RASA3: variants seen among roughly 807,000 people sequenced by gnomAD.
RASA3 encodes ras GTPase-activating protein 3.
In RASA3, 73 loss-of-function variants were observed where a neutral mutation model predicts 110.0. That is an observed-to-expected ratio of 0.66 (90% CI 0.55 to 0.81). RASA3 has a LOEUF of 0.81. Among genes scored for constraint, RASA3 ranks in the 30% least tolerant of loss-of-function variants. The probability of loss-of-function intolerance (pLI) is 0.00; values close to 1 mark genes in which losing one functional copy is unlikely to be tolerated. For synonymous variants in RASA3, 500 were observed against 451.4 expected (o/e 1.11, Z -1.37); for missense variants, 976 against 1,113.2 (o/e 0.88, Z 1.75).
In RASA3 at chr13:114,057,318, T is replaced by C. The variant is rs1325163723; in HGVS notation, c.174-5163A>G. 4 of 985,310 alleles carry C rather than the reference T, an allele frequency of 4.1e-6. No homozygotes were observed. Among genetic ancestry groups the C allele is most frequent in the South Asian group, 9.4e-5 (2 of 21,290 alleles). 61.0% of individuals were successfully genotyped at this position (985,310 alleles called of 1,614,324 possible). A position where few individuals can be genotyped will look rare whatever the true frequency, so the allele number is the denominator to read the frequency against. ...CCGGCCAGCCTTATCAACGGAGCTC[T>C]GAGCCACCAACCACTGTGACCAAGC... On this transcript the variant is annotated intron_variant, in intron 2 of 23. Coordinates refer to ENST00000334062, the MANE Select transcript of RASA3 (RefSeq NM_007368.4). The surrounding 1 kb of genome is among the most constrained non-coding windows in gnomAD (Gnocchi z 5.0).
intron 14 of RASA3, 123 bp from the exon 15 acceptor site, chr13:114,013,371 C>CTG: frequency 3.1e-6 from 2 of 643,668 alleles, no homozygotes; most frequent in Non-Finnish European, 5.5e-6. Flanking sequence ...CTATCTCCAC[C>CTG]TGTGTCTGTC....
At chr13:113,980,838 T>G (rs2052917305) in intron 23 of RASA3, among the ~76,000 whole-genome samples, 1 of 150,160 alleles carries the variant, frequency 6.7e-6, no homozygotes, top group Non-Finnish European at 1.5e-5. Context: ...GAAGGAGGGG[T>G]TAAGAAGGAA....
chr13:114,002,676 T>C (rs539053816), intron 18 of RASA3, among the ~76,000 whole-genome samples: 6 of 152,310 alleles, frequency 3.9e-5, no homozygotes, highest in African/African-American at 1.4e-4. Context: ...TGAGGCTGCA[T>C]GTGAATTTTA....
intron 16 of RASA3, among the ~76,000 whole-genome samples, chr13:114,010,216 C>CCAGTGGA (rs1415542331): frequency 5.3e-5 from 8 of 152,290 alleles, no homozygotes; most frequent in Non-Finnish European, 2.9e-5. Flanking sequence ...GGCTGCTCCT[C>CCAGTGGA]CAGTGGGGGC....
intron 2 of RASA3, among the ~76,000 whole-genome samples, chr13:114,070,940 G>A (rs1222283303): frequency 8.7e-6 from 1 of 115,606 alleles, no homozygotes; most frequent in Non-Finnish European, 1.7e-5. Flanking sequence ...CGGCGTCCAC[G>A]CTAAACGGCG....
At chr13:114,042,599 T>C (rs9525349) in intron 3 of RASA3, among the ~76,000 whole-genome samples, 73,087 of 152,214 alleles carry the variant, frequency 0.48, 17,586 homozygotes, top group Middle Eastern at 0.59. Flanking sequence ...GTGCATGACC[T>C]GGGCTCCCGG....
chr13:114,014,888 C>A lies in RASA3; in HGVS notation c.1405+321G>T, dbSNP rs529045493. On this transcript the variant is annotated intron_variant, in intron 14 of 23. Coordinates refer to ENST00000334062, the MANE Select transcript of RASA3 (RefSeq NM_007368.4). This position sits in a 1 kb window ranked among gnomAD's most constrained non-coding sequence, Gnocchi z 4.5. Reference sequence around the variant, plus strand: ...AAGCCTGGCCACCCTTCCCGGCCCCCCCAGAGACCACTGTGGTCGTGAACT... The same window carrying A: ...AAGCCTGGCCACCCTTCCCGGCCCCACCAGAGACCACTGTGGTCGTGAACT... Among the ~76,000 whole-genome samples the A allele has an allele frequency of 1.3e-5, 2 of 152,072 alleles. No individual in the cohort carries two copies. Among genetic ancestry groups the A allele is most frequent in the Non-Finnish European group, 2.9e-5 (2 of 68,004 alleles).
chr13:114,041,795 C>A (rs2054414718), intron 3 of RASA3, among the ~76,000 whole-genome samples: 1 of 152,230 alleles, frequency 6.6e-6, no homozygotes, highest in Non-Finnish European at 1.5e-5. Context: ...GTGGGTTGGT[C>A]TGAATCTGTG....
chr13:114,030,996 T>C (rs2054155630), intron 4 of RASA3, among the ~76,000 whole-genome samples: 1 of 152,084 alleles, frequency 6.6e-6, no homozygotes, highest in South Asian at 2.1e-4. Flanking sequence ...CGCCTGTGTG[T>C]GCGGCTGTGT....
chr13:114,046,600 C>T (rs112878326), intron 3 of RASA3, among the ~76,000 whole-genome samples: 9 of 152,306 alleles, frequency 5.9e-5, no homozygotes, highest in African/African-American at 1.9e-4. Flanking sequence ...AACCTCCAGG[C>T]GTTGCCATGG....
intron 1 of RASA3, among the ~76,000 whole-genome samples, chr13:114,104,256 G>A (rs1479816567): frequency 4.8e-5 from 2 of 41,446 alleles, no homozygotes; most frequent in Admixed American, 3.2e-4. Context: ...ACACTGCCAC[G>A]GCCACGGACA....
chr13:114,070,129 T>G (rs1224167244), intron 2 of RASA3, among the ~76,000 whole-genome samples: 1 of 70,300 alleles, frequency 1.4e-5, no homozygotes, highest in African/African-American at 5.8e-5. Context: ...ACTCGGGGGC[T>G]GGGAGACTCA....
chr13:114,044,760 C>A (rs1594380384), intron 3 of RASA3, among the ~76,000 whole-genome samples: 1 of 151,726 alleles, frequency 6.6e-6, no homozygotes, highest in East Asian at 2.0e-4. Flanking sequence ...AGGGATAAAT[C>A]TTCAGACTCC....
chr13:114,131,641 A>T (rs1378706904), intron 1 of RASA3, among the ~76,000 whole-genome samples: 5 of 152,142 alleles, frequency 3.3e-5, no homozygotes, highest in African/African-American at 1.2e-4. Context: ...GTGGAAAGGG[A>T]CGTGGTGCCG....
chr13:114,010,560 C>T (rs961250589), intron 16 of RASA3, among the ~76,000 whole-genome samples: 33 of 149,322 alleles, frequency 2.2e-4, no homozygotes, highest in Admixed American at 2.0e-3. Context: ...TTCATATCCA[C>T]AGGGAGAGAG....
chr13:114,017,568 G>A (rs1049890559), intron 11 of RASA3, among the ~76,000 whole-genome samples: 5 of 152,222 alleles, frequency 3.3e-5, no homozygotes, highest in Non-Finnish European at 7.3e-5. Flanking sequence ...GGAACCGTTC[G>A]GCTACCTGCG....
intron 14 of RASA3, 150 bp downstream of exon 14, chr13:114,015,059 A>C (rs1023340301): frequency 8.6e-7 from 1 of 1,166,060 alleles, no homozygotes; most frequent in African/African-American, 1.6e-5. Context: ...CCCGGGCACA[A>C]ACCCCGGAAA....
rs2079267189 is a variant in RASA3, at chr13:114,057,630, T to C, written c.174-5475A>G. ...GCCAGCCTGACACCCAAGGCCACGA[T>C]GCCATAGCCAGGGAGCCCTGAAGAA... is the stretch of plus-strand genomic sequence containing the variant. On this transcript the variant is annotated intron_variant, in intron 2 of 23. Coordinates refer to ENST00000334062, the MANE Select transcript of RASA3 (RefSeq NM_007368.4). This position sits in a 1 kb window ranked among gnomAD's most constrained non-coding sequence, Gnocchi z 5.0. Among the ~76,000 whole-genome samples, 1 of 152,274 alleles carries C rather than the reference T, an allele frequency of 6.6e-6. No homozygotes were observed. Among genetic ancestry groups the C allele is most frequent in the Admixed American group, 6.5e-5 (1 of 15,308 alleles).
intron 22 of RASA3, among the ~76,000 whole-genome samples, chr13:113,982,299 G>A (rs546334800): frequency 3.9e-5 from 6 of 152,344 alleles, no homozygotes; most frequent in African/African-American, 1.2e-4. Flanking sequence ...GAGTGAGCAC[G>A]ATGGGGTTCA....
Sources: gnomAD v4.1 joint callset for allele counts (sites outside exome capture counted in the v4.1 genomes callset) on GRCh38, gnomAD v4.1.1 for gene constraint, Gnocchi (gnomAD v3.1) non-coding constraint, MANE v1.5 for transcripts, NCBI Gene and HGNC (gene_info 2026-07-23, HGNC 2026-07-21) for gene names.